Variants in PTK7 observed in about 807,000 individuals in gnomAD.
PTK7 encodes the protein protein tyrosine kinase 7 (inactive), also known as inactive tyrosine-protein kinase 7.
In PTK7, 39 loss-of-function variants were observed where a neutral mutation model predicts 116.6. That is an observed-to-expected ratio of 0.33 (90% confidence interval 0.26 to 0.44). The LOEUF is 0.44. Among genes scored for constraint, PTK7 ranks in the 20% least tolerant of loss-of-function variants. PTK7 has a pLI of 1.00. For missense variants in PTK7, 1,169 were observed against 1,425.6 expected, an observed-to-expected ratio of 0.82 and a Z score of 2.90; for synonymous variants, 546 against 563.6, an observed-to-expected ratio of 0.97 and a Z score of 0.44.
chr6:43,092,598 G>A (rs59737010), intron 1 of PTK7, among the ~76,000 whole-genome samples: 1 of 152,288 alleles, frequency 6.6e-6, no homozygotes, highest in East Asian at 1.9e-4. Context: ...GGGGACTACT[G>A]TATATAACAT....
intron 17 of PTK7, among the ~76,000 whole-genome samples, chr6:43,158,247 C>T (rs910667273): frequency 6.6e-5 from 10 of 151,080 alleles, no homozygotes; most frequent in Non-Finnish European, 7.4e-5. Context: ...TGAAGTGAGC[C>T]GAGATCATGC....
At chr6:43,121,998 TG>T (rs1768992903) in intron 1 of PTK7, among the ~76,000 whole-genome samples, 1 of 152,092 alleles carries the variant, frequency 6.6e-6, no homozygotes, top group African/African-American at 2.4e-5. Context: ...GAAAATTAGC[TG>T]GGCATGCAGG....
chr6:43,132,499 A>G lies in PTK7; in HGVS notation c.1040A>G (p.Lys347Arg), dbSNP rs1050756902. The G allele has an allele frequency of 5.6e-6, 9 of 1,610,350 alleles. No individual in the cohort carries two copies. The highest frequency in any genetic ancestry group is 1.3e-5 in the African/African-American group (1 of 74,854). The change falls in exon 7 of 20, where the codon AAG (lysine) becomes AGG (arginine). Residue 347 changes from lysine to arginine, a missense_variant. Lys to Arg is a conservative substitution (Grantham distance 26). This residue lies in a region of PTK7 where 487 missense variants were observed against 549.8 expected (regional missense o/e 0.89). Coordinates refer to ENST00000230419, the MANE Select transcript of PTK7 (RefSeq NM_002821.5). ...SEERVTCLPP[K>R]GLPEPSVWWE... ...GAGCGTGTGACCTGCCTTCCCCCCAAGGGTCTGCCAGAGCCCAGCGTGTGG... is the reference window on the plus strand; with the variant it reads ...GAGCGTGTGACCTGCCTTCCCCCCAGGGGTCTGCCAGAGCCCAGCGTGTGG...
Position 43,116,635 on chromosome 6 carries a change from TGTGTGTGTGTGTGTGTGC to T in PTK7, c.80-12340_80-12323del, listed in dbSNP as rs1374252101. ...GTGTGTGTGTGTGTGTGTGTGTGTG[TGTGTGTGTGTGTGTGTGC>T]GCGCGCACGCACGCACGCATATGGA... is the stretch of plus-strand genomic sequence containing the variant. On this transcript the variant is annotated intron_variant, in intron 1 of 19. Transcript: ENST00000230419. 1.6e-4 allele frequency among the ~76,000 whole-genome samples: 21 copies of T among 128,872 alleles called. No homozygotes were observed. The South Asian group carries it at 3.4e-3, about 21-fold the overall frequency. The allele number at this position is 128,872 out of a possible 152,430, so 84.5% of individuals were successfully genotyped here. A position where few individuals can be genotyped will look rare whatever the true frequency, so the allele number is the denominator to read the frequency against.
rs150631466 is a variant in PTK7 at position 43,143,605 on chromosome 6, A to G, written c.2236A>G (p.Met746Val). The change falls in exon 14 of 20, where the codon ATG (methionine) becomes GTG (valine). Residue 746 changes from methionine (M) to valine (V), a missense_variant. Met to Val is a conservative substitution (Grantham distance 21). This residue lies in a region of PTK7 where 678 missense variants were observed against 853.8 expected (regional missense o/e 0.79). Transcript: ENST00000230419. This position sits in a 1 kb window ranked among gnomAD's most constrained non-coding sequence, Gnocchi z 4.2. ...GCAGCCCGAGGGCGAGGAGCCAGAG[A>G]TGGAATGCCTCAACGGTGAGGGGCC... ...QKQPEGEEPE[M>V]ECLNGGPLQN... The G allele has an allele frequency of 1.4e-5, 22 of 1,612,042 alleles. No homozygotes were observed. Among genetic ancestry groups the G allele is most frequent in the Non-Finnish European group, 1.7e-5 (20 of 1,179,934 alleles).
intron 1 of PTK7, among the ~76,000 whole-genome samples, chr6:43,096,184 G>C (rs1427102247): frequency 6.6e-6 from 1 of 152,130 alleles, no homozygotes; most frequent in Non-Finnish European, 1.5e-5. Context: ...TCTCAGCCTC[G>C]GGGAGAGGTG....
At chr6:43,154,119 C>T (rs1420557000) in intron 17 of PTK7, among the ~76,000 whole-genome samples, 1 of 151,964 alleles carries the variant, frequency 6.6e-6, no homozygotes, top group Non-Finnish European at 1.5e-5. Context: ...GCCGAGATAG[C>T]GCCACTGCAC....
At position 43,077,119 on chromosome 6, in the gene PTK7, A is replaced by G. The variant is rs527837168; in HGVS notation, c.79+552A>G. 73 of 1,050,788 alleles carry G rather than the reference A, an allele frequency of 6.9e-5. No homozygotes were observed. In the Admixed American group the frequency reaches 1.5e-3, roughly 21 times the overall value. The allele number at this position is 1,050,788 out of a possible 1,614,324, so 65.1% of individuals were successfully genotyped here. On this transcript the variant is annotated intron_variant, in intron 1 of 19. Transcript: ENST00000230419. Reference sequence around the variant, plus strand: ...TTCCTGGGCAAAGCTGAGACCCCAGATGGCCCTGCGGGTGAGGGCGGAAGA... The same window carrying G: ...TTCCTGGGCAAAGCTGAGACCCCAGGTGGCCCTGCGGGTGAGGGCGGAAGA...
Position 43,158,248 on chromosome 6 carries a change from G to A in PTK7, c.2722-569G>A, listed in dbSNP as rs567081904. 1.9e-3 allele frequency among the ~76,000 whole-genome samples: 284 copies of A among 151,404 alleles called. 1 individual carries two copies. The highest frequency in any genetic ancestry group is 5.8e-3 in the African/African-American group (239 of 41,236). On this transcript the variant is annotated intron_variant, in intron 17 of 19. Coordinates refer to ENST00000230419, the MANE Select transcript of PTK7 (RefSeq NM_002821.5). ...CGGGAGGCAGAGCTTGAAGTGAGCC[G>A]AGATCATGCCACTGCACTCCAGCCT...
chr6:43,110,334 G>C (rs1442227954), intron 1 of PTK7, among the ~76,000 whole-genome samples: 1 of 151,592 alleles, frequency 6.6e-6, no homozygotes, highest in Non-Finnish European at 1.5e-5. Context: ...TTTGTTTTGA[G>C]AACTCTTCAT....
chr6:43,076,967 A>C lies in PTK7; in HGVS notation c.79+400A>C. ...TGGAGAAAAAGGAATTCCCCACCCC[A>C]CCCGGCAGGGTCGGCCCAGGTAAGA... is the stretch of plus-strand genomic sequence containing the variant. On this transcript the variant is annotated intron_variant, in intron 1 of 19. Transcript: ENST00000230419. The surrounding 1 kb of genome is among the most constrained non-coding windows in gnomAD (Gnocchi z 5.7). 2 of 1,509,078 alleles carry C rather than the reference A, an allele frequency of 1.3e-6. No homozygotes were observed. Among genetic ancestry groups the C allele is most frequent in the Non-Finnish European group, 1.8e-6 (2 of 1,128,234 alleles). The allele number at this position is 1,509,078 out of a possible 1,614,324, so 93.5% of individuals were successfully genotyped here. A position where few individuals can be genotyped will look rare whatever the true frequency, so the allele number is the denominator to read the frequency against.
At chr6:43,125,436 G>A (rs1260632816) in intron 1 of PTK7, among the ~76,000 whole-genome samples, 1 of 152,220 alleles carries the variant, frequency 6.6e-6, no homozygotes, top group East Asian at 1.9e-4. Flanking sequence ...CTGAGCTGGG[G>A]TCTCTCTGAG....
At chr6:43,144,928 T>C (rs566988238) in intron 15 of PTK7, 4 of 421,006 alleles carry the variant, frequency 9.5e-6, no homozygotes, top group South Asian at 1.5e-4. Context: ...GTTACGTTTT[T>C]TCCTAGCATA....
Position 43,076,732 on chromosome 6 carries a change from G to A in PTK7, c.79+165G>A. On this transcript the variant is annotated intron_variant, in intron 1 of 19. Coordinates refer to ENST00000230419, the MANE Select transcript of PTK7 (RefSeq NM_002821.5). This position sits in a 1 kb window ranked among gnomAD's most constrained non-coding sequence, Gnocchi z 5.7. ...CGGCGGAAGGGCGCAAGGAGCCCGGGTGTCGGGAGGCTGGCGAAGCCTCCA... is the reference window on the plus strand; with the variant it reads ...CGGCGGAAGGGCGCAAGGAGCCCGGATGTCGGGAGGCTGGCGAAGCCTCCA... 1.5e-6 allele frequency: 2 copies of A among 1,376,456 alleles called. No homozygotes were observed. The highest frequency in any genetic ancestry group is 3.1e-5 in the Admixed American group (1 of 32,532). The allele number at this position is 1,376,456 out of a possible 1,614,324, so 85.3% of individuals were successfully genotyped here. A position where few individuals can be genotyped will look rare whatever the true frequency, so the allele number is the denominator to read the frequency against.
At chr6:43,117,325 C>T (rs1044627301) in intron 1 of PTK7, among the ~76,000 whole-genome samples, 4 of 152,118 alleles carry the variant, frequency 2.6e-5, no homozygotes, top group Non-Finnish European at 4.4e-5. Context: ...CTTGCAGGAC[C>T]GTTCACATGA....
At chr6:43,133,984 C>G (rs765023267) in intron 7 of PTK7, among the ~76,000 whole-genome samples, 1 of 152,210 alleles carries the variant, frequency 6.6e-6, no homozygotes, top group African/African-American at 2.4e-5. Context: ...GCAAGATGCA[C>G]AGTCAAGCCT....
chr6:43,150,502 C>G (rs560280721), intron 17 of PTK7, among the ~76,000 whole-genome samples: 112 of 152,290 alleles, frequency 7.4e-4, no homozygotes, highest in Admixed American at 1.3e-3. Context: ...AGTCCACCTT[C>G]TTCTGTTTAC....
In PTK7 at chr6:43,130,671, CT is replaced by C; in HGVS notation, c.812+11del. The C allele has an allele frequency of 6.2e-7, 1 of 1,614,168 alleles. No homozygotes were observed. Among genetic ancestry groups the C allele is most frequent in the Non-Finnish European group, 8.5e-7 (1 of 1,180,016 alleles). ...TCACTAACCGCAGTCGGTAAGGCAT[CT>C]GGCTGGGAGCATTCCAGTACCATGT... is the stretch of plus-strand genomic sequence containing the variant. On this transcript the variant is annotated intron_variant, in intron 5 of 19. Transcript: ENST00000230419.
At chr6:43,081,068 C>T (rs562473555) in intron 1 of PTK7, among the ~76,000 whole-genome samples, 9 of 152,328 alleles carry the variant, frequency 5.9e-5, no homozygotes, top group African/African-American at 2.2e-4. Flanking sequence ...CCTACTGGGA[C>T]CCTCCATTCC....
Sources: gnomAD v4.1 joint callset for allele counts (sites outside exome capture counted in the v4.1 genomes callset) on GRCh38, gnomAD v4.1.1 for gene constraint, gnomAD v4.1.1 regional missense constraint, Gnocchi (gnomAD v3.1) non-coding constraint, MANE v1.5 for transcripts, NCBI Gene and HGNC (gene_info 2026-07-23, HGNC 2026-07-21) for gene names.